The following ACTR5 variants were observed in gnomAD, a reference collection of about 807,000 sequenced individuals.
The protein encoded by ACTR5 is actin-related protein 5.
In ACTR5, 43 loss-of-function variants were observed where a neutral mutation model predicts 61.2. The ratio of observed to expected loss-of-function variants is 0.70; its 90% CI spans 0.55 to 0.91. The LOEUF (loss-of-function observed/expected upper bound fraction) is 0.91. Among genes scored for constraint, ACTR5 ranks in the 40% least tolerant of loss-of-function variants. The pLI is 0.00. For synonymous variants in ACTR5, 333 were observed against 310.5 expected (o/e 1.07, Z -0.76); for missense variants, 798 against 782.2 (o/e 1.02, Z -0.24).
At position 38,755,119 on chromosome 20, in the gene ACTR5, GGGA is replaced by G; in HGVS notation, c.943_945del (p.Glu315del). ...CTGCAGGAGCTCAATGCCCGGCGGC[GGGA>G]GGAGAAGCTGCAGCTGGATCAGGAG... On this transcript the variant is annotated inframe_deletion, in exon 4 of 9. Transcript: ENST00000243903. 1 of 1,613,924 alleles carries G rather than the reference GGGA, an allele frequency of 6.2e-7. No homozygotes were observed. The highest frequency in any genetic ancestry group is 8.5e-7 in the Non-Finnish European group (1 of 1,179,938).
intron 5 of ACTR5, among the ~76,000 whole-genome samples, chr20:38,758,054 A>C (rs943626878): frequency 6.6e-6 from 1 of 151,882 alleles, no homozygotes; most frequent in Non-Finnish European, 1.5e-5. Flanking sequence ...TTTATACCAG[A>C]GCAGTGCCAC....
intron 4 of ACTR5, 66 bp from the exon 5 acceptor site, chr20:38,755,791 G>C: frequency 6.3e-7 from 1 of 1,588,944 alleles, no homozygotes; most frequent in South Asian, 1.1e-5. Flanking sequence ...GCCCTCTCCA[G>C]CTGTCGTTTT....
chr20:38,766,339 G>A lies in ACTR5; in HGVS notation c.1395G>A (p.Gln465=). The change falls in exon 7 of 9, where the codon CAG becomes CAA. Residue 465 remains glutamine, a synonymous_variant. Coordinates refer to ENST00000243903, the MANE Select transcript of ACTR5 (RefSeq NM_024855.4). ...AGCCATCTCTCATAGGAGAAGAACA[G>A]GCTGGGATTGCAGAGACTCTTCAGT... is the stretch of plus-strand genomic sequence containing the variant. ...IFQPSLIGEE[Q]AGIAETLQYI... 1 of 1,613,428 alleles carries A rather than the reference G, an allele frequency of 6.2e-7. No homozygotes were observed. Among genetic ancestry groups the A allele is most frequent in the Non-Finnish European group, 8.5e-7 (1 of 1,179,894 alleles).
chr20:38,748,790 C>G lies in ACTR5; in HGVS notation c.312C>G (p.Val104=). The G allele has an allele frequency of 6.2e-7, 1 of 1,609,300 alleles. No individual in the cohort carries two copies. Among genetic ancestry groups the G allele is most frequent in the South Asian group, 1.1e-5 (1 of 90,662 alleles). ...LRSPFDRNVP[V]NLELQELLLD... ...CGCCCTTCGACCGCAACGTGCCGGTCAACCTGGAGCTTCAGGAGTTGCTGC... is the reference window on the plus strand; with the variant it reads ...CGCCCTTCGACCGCAACGTGCCGGTGAACCTGGAGCTTCAGGAGTTGCTGC... The change falls in exon 1 of 9, where the codon GTC becomes GTG. Residue 104 remains valine (V), a synonymous_variant. Coordinates refer to ENST00000243903, the MANE Select transcript of ACTR5 (RefSeq NM_024855.4).
intron 5 of ACTR5, among the ~76,000 whole-genome samples, chr20:38,760,983 G>A (rs146230138): frequency 4.6e-5 from 7 of 152,110 alleles, no homozygotes; most frequent in East Asian, 3.9e-4. Context: ...GGAATGAGAC[G>A]ATGAGATTTT....
chr20:38,771,637 G>T lies in ACTR5; in HGVS notation c.1645G>T (p.Glu549Ter). Residue 549 changes from glutamate to a stop codon, truncating the protein, a stop_gained, in exon 9 of 9, where the codon GAA becomes TAA. Coordinates refer to ENST00000243903, the MANE Select transcript of ACTR5 (RefSeq NM_024855.4). LOFTEE classifies it high-confidence loss of function. Reference sequence around the variant, plus strand: ...GGCCTTGAACCACCTAGATGATAATGAAGTTTGGATCACCAGGAAAGAGTA... The same window carrying T: ...GGCCTTGAACCACCTAGATGATAATTAAGTTTGGATCACCAGGAAAGAGTA... ...DWALNHLDDN[E>*]VWITRKEYEE... The T allele has an allele frequency of 6.2e-7, 1 of 1,614,162 alleles. No individual in the cohort carries two copies. The highest frequency in any genetic ancestry group is 8.5e-7 in the Non-Finnish European group (1 of 1,180,028).
At chr20:38,754,579 C>T (rs2084406774) in intron 3 of ACTR5, among the ~76,000 whole-genome samples, 1 of 151,882 alleles carries the variant, frequency 6.6e-6, no homozygotes, top group Non-Finnish European at 1.5e-5. Flanking sequence ...ATTAGCCGGG[C>T]ATGGTGGCAG....
At chr20:38,752,362 A>G in intron 3 of ACTR5, 62 bp downstream of exon 3, 29 of 1,500,232 alleles carry the variant, frequency 1.9e-5, no homozygotes, top group Non-Finnish European at 2.6e-5. Context: ...TCCTTAAATT[A>G]TTGCCAGCAT....
At chr20:38,767,336 A>G (rs867803649) in intron 7 of ACTR5, 128 bp from the exon 8 acceptor site, 1 of 688,594 alleles carries the variant, frequency 1.5e-6, no homozygotes. Context: ...GAAAGTTTTG[A>G]TTTTTTTTTT....
intron 5 of ACTR5, among the ~76,000 whole-genome samples, chr20:38,760,105 G>A (rs1032786706): frequency 1.3e-5 from 2 of 151,218 alleles, no homozygotes; most frequent in African/African-American, 4.9e-5. Context: ...AGTGAGCCAT[G>A]GTTGTGCCAC....
chr20:38,749,695 G>C (rs2084374673), intron 1 of ACTR5, among the ~76,000 whole-genome samples: 1 of 152,240 alleles, frequency 6.6e-6, no homozygotes, highest in South Asian at 2.1e-4. Flanking sequence ...CCAGGTAAGG[G>C]ATGATGGTGG....
chr20:38,756,056 G>A lies in ACTR5; in HGVS notation c.1176+17G>A, dbSNP rs1192988908. The A allele has an allele frequency of 6.2e-7, 1 of 1,604,036 alleles. No homozygotes were observed. The highest frequency in any genetic ancestry group is 1.7e-5 in the Admixed American group (1 of 58,410). On this transcript the variant is annotated intron_variant, in intron 5 of 8. Coordinates refer to ENST00000243903, the MANE Select transcript of ACTR5 (RefSeq NM_024855.4). ...AAGCCAGAGGTAACTTAGGGCCTTG[G>A]AAGGAGCAGCCCTTCTTGAGGGGAG...
intron 8 of ACTR5, 140 bp from the exon 9 acceptor site, chr20:38,771,419 C>T: frequency 1.8e-6 from 2 of 1,083,076 alleles, no homozygotes; most frequent in Non-Finnish European, 1.3e-6. Flanking sequence ...GTGGAGCTAG[C>T]CCCGAACTGT....
rs564348778 is a variant in ACTR5, at chr20:38,755,591, C to G, written c.994-266C>G. On this transcript the variant is annotated intron_variant, in intron 4 of 8. Transcript: ENST00000243903. ...AACTTTCCCACCTTCCTTCACATCC[C>G]CCGCCCCACCAAAAAAAAAAAGGGT... is the stretch of plus-strand genomic sequence containing the variant. Among the ~76,000 whole-genome samples, 292 of 151,196 alleles carry G rather than the reference C, an allele frequency of 1.9e-3. 2 individuals are homozygous for G. The highest frequency in any genetic ancestry group is 3.3e-3 in the Non-Finnish European group (223 of 67,792).
chr20:38,770,860 G>A (rs2084515560), intron 8 of ACTR5, among the ~76,000 whole-genome samples: 1 of 152,142 alleles, frequency 6.6e-6, no homozygotes, highest in Non-Finnish European at 1.5e-5. Flanking sequence ...CTTCAGTCCC[G>A]AAAGTTCTGA....
chr20:38,772,002 C>A lies in ACTR5; in HGVS notation c.*186C>A. The A allele has an allele frequency of 1.2e-6, 1 of 808,306 alleles. No homozygotes were observed. Among genetic ancestry groups the A allele is most frequent in the Non-Finnish European group, 1.9e-6 (1 of 530,220 alleles). 50.1% of individuals were successfully genotyped at this position (808,306 alleles called of 1,614,324 possible). ...GACCTGCCCTTCAGAATTCGGTTCA[C>A]TTGGGGGCTTCTGTGGTAGAGACTA... is the stretch of plus-strand genomic sequence containing the variant. On this transcript the variant is annotated 3_prime_UTR_variant, in exon 9 of 9. Transcript: ENST00000243903.
At chr20:38,750,754 G>A (rs775493793) in intron 2 of ACTR5, among the ~76,000 whole-genome samples, 58 of 151,916 alleles carry the variant, frequency 3.8e-4, no homozygotes, top group Admixed American at 2.2e-3. Context: ...TCAGCCTCCC[G>A]AGTAGCTGGG....
intron 6 of ACTR5, among the ~76,000 whole-genome samples, 166 bp from the exon 7 acceptor site, chr20:38,766,072 G>T (rs1568637784): frequency 1.3e-5 from 2 of 152,238 alleles, no homozygotes; most frequent in Non-Finnish European, 2.9e-5. Flanking sequence ...CAGGTTGGAA[G>T]AAGGTAGGAA....
intron 7 of ACTR5, among the ~76,000 whole-genome samples, 186 bp downstream of exon 7, chr20:38,766,563 C>T (rs893511728): frequency 2.0e-5 from 3 of 152,158 alleles, no homozygotes; most frequent in Non-Finnish European, 4.4e-5. Flanking sequence ...AACTGGGGCT[C>T]TGTAGTTGTT....
Sources: allele counts gnomAD v4.1 joint callset (sites outside exome capture counted in the v4.1 genomes callset), GRCh38; gene constraint gnomAD v4.1.1; transcripts MANE v1.5; gene names NCBI Gene and HGNC (gene_info 2026-07-23, HGNC 2026-07-21).